The following TUBA3D variants were observed in gnomAD, a reference collection of about 807,000 sequenced individuals.
TUBA3D encodes tubulin alpha-3D chain.
TUBA3D carries 24 observed loss-of-function variants against 36.1 expected under a neutral mutation model. The observed-to-expected ratio is 0.66, with a 90% CI of 0.48 to 0.93. The LOEUF (loss-of-function observed/expected upper bound fraction) is 0.93, where lower values mean the gene tolerates loss of function less well. TUBA3D is among the 40% of genes least tolerant of loss of function. The pLI is 0.00. For synonymous variants in TUBA3D, 185 were observed against 247.2 expected (o/e 0.75, Z 2.36); for missense variants, 356 against 614.5 (o/e 0.58, Z 4.45).
At chr2:131,478,531 A>G in intron 2 of TUBA3D, 145 bp downstream of exon 2, 1 of 1,400,794 alleles carries the variant, frequency 7.1e-7, no homozygotes, top group South Asian at 1.5e-5. Context: ...GAGAAACTGA[A>G]AGGTTCGTGA....
intron 3 of TUBA3D, 27 bp downstream of exon 3, chr2:131,479,483 A>C (rs7423999): frequency 0.071 from 107,513 of 1,507,994 alleles, 11,262 homozygotes; most frequent in African/African-American, 0.4. Context: ...TCATGTGGCC[A>C]TTTTCTTGCA....
In TUBA3D at chr2:131,479,482, C is replaced by T. The variant is rs774633686; in HGVS notation, c.375+26C>T. On this transcript the variant is annotated intron_variant, in intron 3 of 4. Coordinates refer to ENST00000321253, the MANE Select transcript of TUBA3D (RefSeq NM_080386.4). ...GTAAGAAGAGAAGGTTTCATGTGGC[C>T]ATTTTCTTGCATGGGAGGGGTAGTT... The T allele has an allele frequency of 3.1e-6, 5 of 1,606,344 alleles. No homozygotes were observed. In the African/African-American group the frequency reaches 6.8e-5, roughly 22 times the overall value.
chr2:131,477,021 T>C (rs1299467166), intron 1 of TUBA3D, among the ~76,000 whole-genome samples: 3 of 141,658 alleles, frequency 2.1e-5, no homozygotes, highest in African/African-American at 6.0e-5. Flanking sequence ...ATCCTTTTTT[T>C]CCTTTCTTTT....
intron 4 of TUBA3D, among the ~76,000 whole-genome samples, chr2:131,482,038 G>T (rs749183693): frequency 4.1e-4 from 63 of 152,300 alleles, no homozygotes; most frequent in Middle Eastern, 3.4e-3. Context: ...GGACCACTTC[G>T]ACCACTTCCT....
Position 131,482,760 on chromosome 2 carries a change from G to C in TUBA3D, c.1265G>C (p.Arg422Pro). 1.2e-6 allele frequency: 2 copies of C among 1,614,172 alleles called. No individual in the cohort carries two copies. Among genetic ancestry groups the C allele is most frequent in the Non-Finnish European group, 1.7e-6 (2 of 1,180,040 alleles). Residue 422 changes from arginine to proline, a missense_variant, in exon 5 of 5, where the codon CGC becomes CCC. Around this residue, in one of 3 missense-constraint regions of TUBA3D, gnomAD observed 156 missense variants for 219.8 expected, o/e 0.71. Transcript: ENST00000321253. Reference protein sequence around the residue: ...GMEEGEFSEAREDLAALEKDY... With the variant: ...GMEEGEFSEAPEDLAALEKDY... The stretch of plus-strand genomic sequence containing the variant: ...GAAGAGGGAGAGTTCTCTGAGGCCC[G>C]CGAGGACCTGGCAGCTCTAGAGAAG...
intron 3 of TUBA3D, 124 bp from the exon 4 acceptor site, chr2:131,479,945 G>A: frequency 7.3e-7 from 1 of 1,374,054 alleles, no homozygotes; most frequent in South Asian, 1.5e-5. Flanking sequence ...TGTACTGCAT[G>A]TTTATTATGG....
rs773280519 is a variant in TUBA3D, at chr2:131,480,254, C to T, written c.561C>T (p.Ser187=). The change falls in exon 4 of 5, where the codon TCC becomes TCT. Residue 187 remains serine (S), a synonymous_variant. Transcript: ENST00000321253. ...CAGCCGTGGTGGAGCCCTACAACTC[C>T]ATCCTGACCACCCACACGACCCTGG... ...VSTAVVEPYN[S]ILTTHTTLEH... The T allele has an allele frequency of 8.6e-5, 138 of 1,613,878 alleles. No homozygotes were observed. Among genetic ancestry groups the T allele is most frequent in the Non-Finnish European group, 1.1e-4 (126 of 1,180,048 alleles).
rs538071481 is a variant in TUBA3D at position 131,476,125 on chromosome 2, C to T, written c.-75C>T. 64 of 1,610,998 alleles carry T rather than the reference C, an allele frequency of 4.0e-5. No individual in the cohort carries two copies. In the Admixed American group the frequency reaches 8.5e-4, roughly 21 times the overall value. ...TGCGGCGCGCACAGGCAGGAGGTTG[C>T]AGTTGGGCGCTCAGCAGCTGTGGCA... is the stretch of plus-strand genomic sequence containing the variant. On this transcript the variant is annotated 5_prime_UTR_variant, in exon 1 of 5. Coordinates refer to ENST00000321253, the MANE Select transcript of TUBA3D (RefSeq NM_080386.4).
At chr2:131,477,871 T>C (rs757395046) in intron 1 of TUBA3D, among the ~76,000 whole-genome samples, 10 of 152,170 alleles carry the variant, frequency 6.6e-5, no homozygotes, top group African/African-American at 1.4e-4. Context: ...CGGGCTATAA[T>C]GTGGGGTTGA....
At position 131,478,148 on chromosome 2, in the gene TUBA3D, A is replaced by C. The variant is rs781067007; in HGVS notation, c.4-16A>C. The C allele has an allele frequency of 6.2e-6, 10 of 1,606,160 alleles. No individual in the cohort carries two copies. The East Asian group carries it at 2.0e-4, about 32-fold the overall frequency. Reference sequence around the variant, plus strand: ...CCTTGAAATGAATGGGTTCACTTTTATGTTCCTGTTCACAGCGCGAGTGTA... The same window carrying C: ...CCTTGAAATGAATGGGTTCACTTTTCTGTTCCTGTTCACAGCGCGAGTGTA... On this transcript the variant is annotated splice_polypyrimidine_tract_variant and intron_variant, in intron 1 of 4. Coordinates refer to ENST00000321253, the MANE Select transcript of TUBA3D (RefSeq NM_080386.4).
intron 4 of TUBA3D, among the ~76,000 whole-genome samples, chr2:131,482,120 G>T (rs1376565614): frequency 1.3e-5 from 2 of 152,224 alleles, no homozygotes; most frequent in Admixed American, 6.5e-5. Context: ...ACAGTGGCTT[G>T]TTCTGTGGGT....
chr2:131,477,480 A>G (rs536150578), intron 1 of TUBA3D, among the ~76,000 whole-genome samples: 1 of 152,206 alleles, frequency 6.6e-6, no homozygotes, highest in Non-Finnish European at 1.5e-5. Flanking sequence ...GCAGCCTGCC[A>G]AAAGTGTGGC....
rs149176469 is a variant in TUBA3D, at chr2:131,478,167, G to A, written c.7G>A (p.Glu3Lys). 9.9e-6 allele frequency: 16 copies of A among 1,612,456 alleles called. No homozygotes were observed. Among genetic ancestry groups the A allele is most frequent in the African/African-American group, 4.0e-5 (3 of 74,900 alleles). The change falls in exon 2 of 5, where the codon GAG becomes AAG. Residue 3 changes from glutamate (E) to lysine (K), a missense_variant. This residue lies in a region of TUBA3D where 109 missense variants were observed against 153.7 expected (regional missense o/e 0.71). Transcript: ENST00000321253. ...ACTTTTATGTTCCTGTTCACAGCGC[G>A]AGTGTATCTCTATCCACGTGGGGCA... MR[E>K]CISIHVGQAG... is the part of the protein sequence containing the mutation.
intron 1 of TUBA3D, among the ~76,000 whole-genome samples, chr2:131,476,819 C>T (rs1678688076): frequency 1.3e-5 from 2 of 151,234 alleles, no homozygotes; most frequent in Admixed American, 6.6e-5. Flanking sequence ...TCTGTGGTTC[C>T]AGCTACTCGG....
In TUBA3D at chr2:131,479,549, C is replaced by T. The variant is rs530104949; in HGVS notation, c.375+93C>T. On this transcript the variant is annotated intron_variant, in intron 3 of 4. Transcript: ENST00000321253. Reference sequence around the variant, plus strand: ...GAAGTCATTTTATCAACACTTAGACCAGCATCTTGGCCGGGCGCGGTGGCT... The same window carrying T: ...GAAGTCATTTTATCAACACTTAGACTAGCATCTTGGCCGGGCGCGGTGGCT... 6.4e-4 allele frequency: 1,012 copies of T among 1,571,462 alleles called. 2 individuals carry two copies. Among genetic ancestry groups the T allele is most frequent in the Non-Finnish European group, 7.8e-4 (899 of 1,154,190 alleles).
intron 3 of TUBA3D, 70 bp from the exon 4 acceptor site, chr2:131,479,999 G>C (rs1166155105): frequency 6.6e-7 from 1 of 1,514,830 alleles, no homozygotes; most frequent in African/African-American, 1.4e-5. Context: ...AAGAGAAGCG[G>C]CCCTGGCTTG....
Position 131,479,372 on chromosome 2 carries a change from A to G in TUBA3D, c.291A>G (p.Glu97=). Residue 97 remains glutamate (E), a synonymous_variant, in exon 3 of 5, where the codon GAA becomes GAG. Transcript: ENST00000321253. ...CGGAGCAGCTGATCACCGGGAAGGAAGATGCAGCCAATAATTACGCCAGGG... is the reference window on the plus strand; with the variant it reads ...CGGAGCAGCTGATCACCGGGAAGGAGGATGCAGCCAATAATTACGCCAGGG... ...FHPEQLITGK[E]DAANNYARGH... is the part of the protein sequence containing the mutation. 1 of 1,614,218 alleles carries G rather than the reference A, an allele frequency of 6.2e-7. No individual in the cohort carries two copies. Among genetic ancestry groups the G allele is most frequent in the Non-Finnish European group, 8.5e-7 (1 of 1,180,042 alleles).
intron 2 of TUBA3D, 103 bp from the exon 3 acceptor site, chr2:131,479,205 C>T: frequency 2.0e-6 from 3 of 1,511,746 alleles, no homozygotes; most frequent in Admixed American, 2.1e-5. Context: ...AGGTCATGTA[C>T]TTTGAACAGC....
intron 1 of TUBA3D, among the ~76,000 whole-genome samples, chr2:131,477,843 T>C (rs1339086179): frequency 6.6e-6 from 1 of 152,168 alleles, no homozygotes; most frequent in Non-Finnish European, 1.5e-5. Flanking sequence ...CTACATATTC[T>C]TCAGAGAATT....
Sources: gnomAD v4.1 joint callset for allele counts (sites outside exome capture counted in the v4.1 genomes callset) on GRCh38, gnomAD v4.1.1 for gene constraint, gnomAD v4.1.1 regional missense constraint, MANE v1.5 for transcripts, NCBI Gene and HGNC (gene_info 2026-07-23, HGNC 2026-07-21) for gene names.